ACVR1B: variants seen among roughly 807,000 people sequenced by gnomAD.
The protein encoded by ACVR1B is activin A receptor type 1B, also known as activin receptor type-1B.
Under a neutral mutation model 55.6 loss-of-function variants are expected in ACVR1B, and 15 were observed. The ratio of observed to expected loss-of-function variants is 0.27; its 90% CI spans 0.18 to 0.42. The LOEUF (loss-of-function observed/expected upper bound fraction) is 0.42. ACVR1B is among the 10% of genes least tolerant of loss of function. The pLI, the probability that ACVR1B is intolerant of heterozygous loss-of-function variation, is 1.00. For synonymous variants in ACVR1B, 247 were observed against 254.6 expected, an observed-to-expected ratio of 0.97 and a Z score of 0.28; for missense variants, 359 against 670.1, an observed-to-expected ratio of 0.54 and a Z score of 5.13.
At chr12:51,952,752 G>A (rs1269078200) in intron 1 of ACVR1B, among the ~76,000 whole-genome samples, 1 of 152,056 alleles carries the variant, frequency 6.6e-6, no homozygotes, top group East Asian at 1.9e-4. Flanking sequence ...CCCACCACTG[G>A]ACTGTATTCC....
At position 51,976,434 on chromosome 12, in the gene ACVR1B, C is replaced by T. The variant is rs1031304455; in HGVS notation, c.439C>T (p.Leu147Phe). Residue 147 changes from leucine to phenylalanine, a missense_variant, in exon 3 of 9, where the codon CTT (leucine) becomes TTT (phenylalanine). Leu to Phe is a conservative substitution (Grantham distance 22). Around this residue, in one of 5 missense-constraint regions of ACVR1B, gnomAD observed 133 missense variants for 188.2 expected, o/e 0.71. Coordinates refer to ENST00000257963, the MANE Select transcript of ACVR1B (RefSeq NM_004302.5). ...GTTCCTCATCATCATCATTGTTTTC[C>T]TTGTCATTAACTATCATCAGCGTGT... ...LLFLIIIIVF[L>F]VINYHQRVYH... 4 of 1,614,008 alleles carry T rather than the reference C, an allele frequency of 2.5e-6. No homozygotes were observed. The highest frequency in any genetic ancestry group is 2.7e-5 in the African/African-American group (2 of 74,900).
chr12:51,972,173 G>A (rs1392157653), intron 1 of ACVR1B, among the ~76,000 whole-genome samples: 1 of 152,204 alleles, frequency 6.6e-6, no homozygotes, highest in Non-Finnish European at 1.5e-5. Flanking sequence ...TCAGGAAGCT[G>A]AGGCTGGAGG....
rs1022124139 is a variant in ACVR1B at position 51,957,151 on chromosome 12, C to A, written c.91+5317C>A. 2.0e-5 allele frequency among the ~76,000 whole-genome samples: 3 copies of A among 151,738 alleles called. 1 individual carries two copies. Reference sequence around the variant, plus strand: ...GCTCTGTCACCCAGGCTGTATAGTACGAGAGTGTATCATAGGCCAGGCACA... The same window carrying A: ...GCTCTGTCACCCAGGCTGTATAGTAAGAGAGTGTATCATAGGCCAGGCACA... On this transcript the variant is annotated intron_variant, in intron 1 of 8. Transcript: ENST00000257963.
At chr12:51,958,924 A>G (rs1362142998) in intron 1 of ACVR1B, among the ~76,000 whole-genome samples, 1 of 152,222 alleles carries the variant, frequency 6.6e-6, no homozygotes, top group Non-Finnish European at 1.5e-5. Context: ...CCCTTGACAC[A>G]TATTTATTGA....
chr12:51,991,265 C>T (rs1203623982), intron 7 of ACVR1B, among the ~76,000 whole-genome samples: 1 of 152,098 alleles, frequency 6.6e-6, no homozygotes, highest in Non-Finnish European at 1.5e-5. Context: ...CTTATTGTTA[C>T]TTAAAAGTTC....
At chr12:51,973,961 C>T (rs1176800707) in intron 1 of ACVR1B, among the ~76,000 whole-genome samples, 3 of 152,174 alleles carry the variant, frequency 2.0e-5, no homozygotes, top group Non-Finnish European at 4.4e-5. Flanking sequence ...TTTGAAAAGC[C>T]AAGAGATGCC....
chr12:51,956,961 G>A (rs891722636), intron 1 of ACVR1B, among the ~76,000 whole-genome samples: 5 of 151,996 alleles, frequency 3.3e-5, no homozygotes, highest in African/African-American at 1.2e-4. Context: ...TAGAGACAGG[G>A]TTTCGACATG....
At chr12:51,978,452 C>T (rs1183826975) in intron 3 of ACVR1B, among the ~76,000 whole-genome samples, 1 of 152,160 alleles carries the variant, frequency 6.6e-6, no homozygotes, top group Non-Finnish European at 1.5e-5. Context: ...GTAGTAAGTC[C>T]ATGCTGCTCA....
intron 1 of ACVR1B, among the ~76,000 whole-genome samples, chr12:51,965,559 TG>T (rs1469326148): frequency 6.6e-6 from 1 of 152,008 alleles, no homozygotes; most frequent in Non-Finnish European, 1.5e-5. Flanking sequence ...TACAGACCTG[TG>T]GGGAGGATGC....
At chr12:51,958,992 G>A (rs183882551) in intron 1 of ACVR1B, among the ~76,000 whole-genome samples, 11 of 152,326 alleles carry the variant, frequency 7.2e-5, no homozygotes, top group Non-Finnish European at 1.5e-4. Flanking sequence ...GTAAACGAAA[G>A]GAGACAAAAT....
chr12:51,966,788 A>G (rs77908215), intron 1 of ACVR1B, among the ~76,000 whole-genome samples: 1,862 of 152,222 alleles, frequency 0.012, 32 homozygotes, highest in African/African-American at 0.043. Flanking sequence ...TTTTCAAGGT[A>G]ATAAAGGATT....
At chr12:51,992,849 C>T (rs1396762476) in intron 8 of ACVR1B, among the ~76,000 whole-genome samples, 1 of 152,154 alleles carries the variant, frequency 6.6e-6, no homozygotes, top group East Asian at 1.9e-4. Flanking sequence ...AAAGAGTTGA[C>T]ATGAGGACAT....
intron 1 of ACVR1B, among the ~76,000 whole-genome samples, chr12:51,963,653 T>A (rs1941583709): frequency 6.6e-6 from 1 of 152,246 alleles, no homozygotes; most frequent in South Asian, 2.1e-4. Context: ...CTGAATAATA[T>A]TCCATCATAA....
Position 51,996,443 on chromosome 12 carries a change from A to G in ACVR1B, c.*2333A>G, listed in dbSNP as rs1017154904. On this transcript the variant is annotated 3_prime_UTR_variant, in exon 9 of 9. Coordinates refer to ENST00000257963, the MANE Select transcript of ACVR1B (RefSeq NM_004302.5). ...TAACCTTTGGGCCAATTTACTGGCC[A>G]CTAATTTCGTTTAAATACCATTGTG... is the stretch of plus-strand genomic sequence containing the variant. The G allele has an allele frequency of 6.6e-6, 1 of 152,590 alleles. No individual in the cohort carries two copies. Among genetic ancestry groups the G allele is most frequent in the African/African-American group, 2.4e-5 (1 of 41,416 alleles). The allele number at this position is 152,590 out of a possible 1,614,324, so 9.5% of individuals were successfully genotyped here.
intron 2 of ACVR1B, among the ~76,000 whole-genome samples, chr12:51,975,755 C>T (rs1004673311): frequency 6.6e-6 from 1 of 152,154 alleles, no homozygotes; most frequent in African/African-American, 2.4e-5. Context: ...CCATAGGCAG[C>T]GGTGAGGAGT....
At position 51,964,299 on chromosome 12, in the gene ACVR1B, C is replaced by T. The variant is rs138632123; in HGVS notation, c.92-10966C>T. On this transcript the variant is annotated intron_variant, in intron 1 of 8. Coordinates refer to ENST00000257963, the MANE Select transcript of ACVR1B (RefSeq NM_004302.5). ...GGGACCGCAGGCATGCACCACCTTGCGTGGCTCCTGTTCAGTTTTTAATTG... is the reference window on the plus strand; with the variant it reads ...GGGACCGCAGGCATGCACCACCTTGTGTGGCTCCTGTTCAGTTTTTAATTG... 2.3e-3 allele frequency among the ~76,000 whole-genome samples: 346 copies of T among 152,278 alleles called. 4 individuals are homozygous for T. The highest frequency in any genetic ancestry group is 0.011 in the East Asian group (59 of 5,186).
At chr12:51,993,200 T>A (rs935372408) in intron 8 of ACVR1B, among the ~76,000 whole-genome samples, 6 of 152,212 alleles carry the variant, frequency 3.9e-5, no homozygotes, top group Admixed American at 3.9e-4. Flanking sequence ...TTGACTCTAG[T>A]CACCTTGCCG....
intron 7 of ACVR1B, among the ~76,000 whole-genome samples, chr12:51,990,928 T>A (rs1445684842): frequency 6.6e-6 from 1 of 152,222 alleles, no homozygotes; most frequent in Non-Finnish European, 1.5e-5. Context: ...TAGAATCATT[T>A]CTGGGGGTTC....
intron 7 of ACVR1B, among the ~76,000 whole-genome samples, chr12:51,990,020 G>A (rs115063510): frequency 0.012 from 1,851 of 151,858 alleles, 31 homozygotes; most frequent in African/African-American, 0.043. Flanking sequence ...GGGGTCAGGT[G>A]CGGTGGCTCG....
Sources: gnomAD v4.1 joint callset for allele counts (sites outside exome capture counted in the v4.1 genomes callset) on GRCh38, gnomAD v4.1.1 for gene constraint, gnomAD v4.1.1 regional missense constraint, MANE v1.5 for transcripts, NCBI Gene and HGNC (gene_info 2026-07-23, HGNC 2026-07-21) for gene names.